The following ANK3 variants were observed in gnomAD, a reference collection of about 807,000 sequenced individuals.
The protein encoded by ANK3 is ankyrin-3.
ANK3 carries 57 observed loss-of-function variants against 370.9 expected under a neutral mutation model. That is an observed-to-expected ratio of 0.15 (90% confidence interval 0.12 to 0.19). ANK3 has a LOEUF of 0.19. Among genes scored for constraint, ANK3 ranks in the 10% least tolerant of loss-of-function variants. ANK3 has a pLI of 1.00. For missense variants in ANK3, 4,439 were observed against 5,302.1 expected (o/e 0.84, Z 5.06); for synonymous variants, 1,929 against 1,946.3 (o/e 0.99, Z 0.23).
intron 1 of ANK3, among the ~76,000 whole-genome samples, chr10:60,306,530 T>A (rs2045169725): frequency 6.6e-6 from 1 of 152,010 alleles, no homozygotes; most frequent in African/African-American, 2.4e-5. Context: ...CGTGCTGATA[T>A]AAACACGTGT....
intron 1 of ANK3, among the ~76,000 whole-genome samples, chr10:60,297,021 A>C (rs1261199651): frequency 6.6e-6 from 1 of 152,182 alleles, no homozygotes; most frequent in African/African-American, 2.4e-5. Flanking sequence ...CAGTGTTCAA[A>C]ATGTATCTGA....
At chr10:60,040,916 A>T (rs978249159) in intron 43 of ANK3, among the ~76,000 whole-genome samples, 5 of 152,204 alleles carry the variant, frequency 3.3e-5, no homozygotes, top group Non-Finnish European at 7.4e-5. Flanking sequence ...AATTCAAGAT[A>T]ACAAACTCAT....
At chr10:60,288,889 A>AACACACAC (rs35560146) in intron 1 of ANK3, among the ~76,000 whole-genome samples, 1,816 of 139,294 alleles carry the variant, frequency 0.013, 28 homozygotes, top group African/African-American at 0.032. Flanking sequence ...AGGTAGGAAT[A>AACACACAC]ACACACACAC....
rs572301697 is a variant in ANK3 at position 60,113,545 on chromosome 10, T to C, written c.2948+680A>G. ...GCAACATGGCGAGACTTCATCTCTA[T>C]GAAAAAATACAAAAATTATCCGAGC... On this transcript the variant is annotated intron_variant, in intron 26 of 43. Transcript: ENST00000280772. Among the ~76,000 whole-genome samples, 48 of 152,196 alleles carry C rather than the reference T, an allele frequency of 3.2e-4. No homozygotes were observed. In the East Asian group the frequency reaches 8.3e-3, roughly 26 times the overall value.
At chr10:60,364,567 T>C (rs151038972) in intron 1 of ANK3, among the ~76,000 whole-genome samples, 1,584 of 152,042 alleles carry the variant, frequency 0.01, 39 homozygotes, top group African/African-American at 0.037. Context: ...ACGGGTGGGA[T>C]AGCATTAGGA....
chr10:60,112,448 G>T (rs1042767214), intron 26 of ANK3, among the ~76,000 whole-genome samples: 3 of 151,998 alleles, frequency 2.0e-5, no homozygotes, highest in African/African-American at 7.3e-5. Flanking sequence ...AATAATTCAA[G>T]GTTTCTCTAA....
At chr10:60,605,485 C>T (rs2078116432) in intron 2 of ANK3, among the ~76,000 whole-genome samples, 1 of 151,962 alleles carries the variant, frequency 6.6e-6, no homozygotes, top group Non-Finnish European at 1.5e-5. Flanking sequence ...TAGAGACACA[C>T]ACAGAAGGAT....
chr10:60,215,212 T>C (rs2096918274), intron 8 of ANK3, among the ~76,000 whole-genome samples: 2 of 152,180 alleles, frequency 1.3e-5, no homozygotes, highest in African/African-American at 4.8e-5. Flanking sequence ...TGGGGTTGTT[T>C]TTTTCTTGTA....
At chr10:60,289,537 C>T (rs1253781203) in intron 1 of ANK3, among the ~76,000 whole-genome samples, 1 of 151,860 alleles carries the variant, frequency 6.6e-6, no homozygotes, top group Non-Finnish European at 1.5e-5. Flanking sequence ...CTCAGCCTTC[C>T]AAGTAGTTGG....
intron 23 of ANK3, chr10:60,140,551 ATCTT>A (rs1280048432): frequency 7.9e-6 from 11 of 1,399,378 alleles, no homozygotes. Flanking sequence ...GGAATTATAC[ATCTT>A]TCCCCACTCA....
At chr10:60,380,641 A>G (rs1378201920) in intron 1 of ANK3, among the ~76,000 whole-genome samples, 1 of 152,146 alleles carries the variant, frequency 6.6e-6, no homozygotes, top group African/African-American at 2.4e-5. Context: ...AGCCCAACAA[A>G]TAACAGGACA....
chr10:60,155,488 T>C (rs780192705), intron 23 of ANK3, among the ~76,000 whole-genome samples: 25 of 152,062 alleles, frequency 1.6e-4, no homozygotes, highest in Non-Finnish European at 3.4e-4. Flanking sequence ...TAAATTTAGG[T>C]AGCAATCAGG....
At chr10:60,418,831 T>G (rs2063721689) in intron 2 of ANK3, among the ~76,000 whole-genome samples, 1 of 152,078 alleles carries the variant, frequency 6.6e-6, no homozygotes, top group African/African-American at 2.4e-5. Flanking sequence ...AATTCCTGTA[T>G]TTATTTAGGG....
intron 2 of ANK3, among the ~76,000 whole-genome samples, chr10:60,439,339 G>A (rs925236647): frequency 1.1e-4 from 17 of 152,010 alleles, no homozygotes; most frequent in Non-Finnish European, 1.9e-4. Flanking sequence ...GGTAGAGACT[G>A]GCAAAAACAT....
chr10:60,535,527 T>C (rs1213882428), intron 2 of ANK3, among the ~76,000 whole-genome samples: 1 of 152,092 alleles, frequency 6.6e-6, no homozygotes, highest in Non-Finnish European at 1.5e-5. Context: ...AGCCTAATGT[T>C]ACATCTAAGA....
chr10:60,425,384 T>C (rs2063863203), intron 2 of ANK3, among the ~76,000 whole-genome samples: 2 of 152,232 alleles, frequency 1.3e-5, no homozygotes, highest in East Asian at 3.9e-4. Flanking sequence ...TCGGAAGAAA[T>C]ATTGGAATAC....
chr10:60,242,054 C>G (rs2097469067), intron 7 of ANK3, among the ~76,000 whole-genome samples: 1 of 152,076 alleles, frequency 6.6e-6, no homozygotes, highest in African/African-American at 2.4e-5. Flanking sequence ...ATGTATAATA[C>G]CATTTCTAGC....
intron 2 of ANK3, among the ~76,000 whole-genome samples, chr10:60,505,182 C>T (rs191923991): frequency 3.9e-5 from 6 of 151,972 alleles, no homozygotes; most frequent in Non-Finnish European, 7.4e-5. Flanking sequence ...CACTTTTGTG[C>T]GTGATTTTTA....
At chr10:60,640,864 T>C (rs1390057828) in intron 1 of ANK3, among the ~76,000 whole-genome samples, 4 of 93,780 alleles carry the variant, frequency 4.3e-5, no homozygotes, top group East Asian at 2.6e-4. Flanking sequence ...TGTTTGCAGA[T>C]GACATGATTG....
Sources: gnomAD v4.1 joint callset for allele counts (sites outside exome capture counted in the v4.1 genomes callset) on GRCh38, gnomAD v4.1.1 for gene constraint, MANE v1.5 for transcripts, NCBI Gene and HGNC (gene_info 2026-07-23, HGNC 2026-07-21) for gene names.